The following XKR6 variants were observed in gnomAD, a reference collection of about 807,000 sequenced individuals.
The protein encoded by XKR6 is XK related 6, also known as XK-related protein 6.
A neutral mutation model predicts 56.7 loss-of-function variants in XKR6; 22 were observed. That is an observed-to-expected ratio of 0.39 (90% confidence interval 0.28 to 0.55). The LOEUF (loss-of-function observed/expected upper bound fraction) is 0.55, where lower values mean the gene tolerates loss of function less well. Among genes scored for constraint, XKR6 ranks in the 20% least tolerant of loss-of-function variants. XKR6 has a pLI of 0.66. For synonymous variants in XKR6, 524 were observed against 387.8 expected, an observed-to-expected ratio of 1.35 and a Z score of -4.13; for missense variants, 852 against 889.0, an observed-to-expected ratio of 0.96 and a Z score of 0.53.
At chr8:10,951,499 A>G (rs1477355564) in intron 1 of XKR6, among the ~76,000 whole-genome samples, 1 of 152,220 alleles carries the variant, frequency 6.6e-6, no homozygotes, top group Non-Finnish European at 1.5e-5. Context: ...TTTAGTCCCA[A>G]ACAGCAGCAG....
At chr8:11,003,677 A>T (rs1174704905) in intron 1 of XKR6, among the ~76,000 whole-genome samples, 2 of 152,220 alleles carry the variant, frequency 1.3e-5, no homozygotes, top group Non-Finnish European at 2.9e-5. Context: ...CTCAAAGTCA[A>T]ACTGTAAGAA....
intron 1 of XKR6, among the ~76,000 whole-genome samples, chr8:11,102,081 G>C (rs1798504487): frequency 6.6e-6 from 1 of 152,202 alleles, no homozygotes; most frequent in South Asian, 2.1e-4. Context: ...TGGAAAAGCA[G>C]TCACTGGCTG....
intron 1 of XKR6, chr8:11,138,649 T>A (rs1049567394): frequency 4.6e-5 from 7 of 152,214 alleles, no homozygotes; most frequent in Non-Finnish European, 8.8e-5. Flanking sequence ...AAAGGTTGCA[T>A]CAGTTTTTTT....
chr8:11,176,444 T>A (rs1802659176), intron 1 of XKR6, among the ~76,000 whole-genome samples: 1 of 152,176 alleles, frequency 6.6e-6, no homozygotes. Flanking sequence ...ACACCAATAC[T>A]TGGGAAAAAA....
At chr8:10,949,129 G>A (rs571958874) in intron 1 of XKR6, among the ~76,000 whole-genome samples, 2 of 152,352 alleles carry the variant, frequency 1.3e-5, no homozygotes, top group African/African-American at 4.8e-5. Context: ...CTGGCTGGAG[G>A]AGCCTGGGCC....
intron 2 of XKR6, among the ~76,000 whole-genome samples, chr8:10,907,020 C>G (rs887094652): frequency 6.6e-6 from 1 of 151,752 alleles, no homozygotes; most frequent in Non-Finnish European, 1.5e-5. Flanking sequence ...TGCACTCCAG[C>G]CTGGCAACAG....
In XKR6 at chr8:11,054,295, C is replaced by T. The variant is rs116389861; in HGVS notation, c.765-129465G>A. Among the ~76,000 whole-genome samples the T allele has an allele frequency of 3.6e-3, 544 of 152,284 alleles. 7 individuals carry two copies. Among genetic ancestry groups the T allele is most frequent in the African/African-American group, 0.012 (514 of 41,538 alleles). On this transcript the variant is annotated intron_variant, in intron 1 of 2. Coordinates refer to ENST00000416569, the MANE Select transcript of XKR6 (RefSeq NM_173683.4). ...CAGGACCAGAGGTGAAAAGAGAGAG[C>T]GCACAGTAAGTTTGTCCTAACTACT...
intron 2 of XKR6, 84 bp downstream of exon 2, chr8:10,924,550 C>A: frequency 1.3e-6 from 2 of 1,498,634 alleles, no homozygotes; most frequent in Non-Finnish European, 1.8e-6. Flanking sequence ...CAGAGCGTGC[C>A]AGGCACGAAG....
chr8:10,913,265 G>C (rs1180377289), intron 2 of XKR6, among the ~76,000 whole-genome samples: 1 of 151,942 alleles, frequency 6.6e-6, no homozygotes, highest in Non-Finnish European at 1.5e-5. Flanking sequence ...CCCCAGGACA[G>C]AGATCCATCT....
At chr8:11,152,293 C>T (rs1392190382) in intron 1 of XKR6, among the ~76,000 whole-genome samples, 3 of 152,158 alleles carry the variant, frequency 2.0e-5, no homozygotes, top group South Asian at 2.1e-4. Flanking sequence ...GTTGCCCTTC[C>T]TGAAACATTC....
intron 1 of XKR6, among the ~76,000 whole-genome samples, chr8:10,941,076 A>G (rs1344219185): frequency 6.6e-6 from 1 of 152,128 alleles, no homozygotes; most frequent in Non-Finnish European, 1.5e-5. Flanking sequence ...GAGGAGACTC[A>G]GTGGAGAGGA....
At chr8:11,023,170 G>C (rs1164823719) in intron 1 of XKR6, among the ~76,000 whole-genome samples, 1 of 152,116 alleles carries the variant, frequency 6.6e-6, no homozygotes, top group Non-Finnish European at 1.5e-5. Flanking sequence ...GAAAGCTGGG[G>C]AGGGCCCTCC....
intron 1 of XKR6, among the ~76,000 whole-genome samples, chr8:11,134,458 A>C (rs971390236): frequency 6.6e-6 from 1 of 152,202 alleles, no homozygotes; most frequent in African/African-American, 2.4e-5. Flanking sequence ...CCAAGTGGAA[A>C]CACTGCACAA....
chr8:11,027,510 C>G (rs149710030), intron 1 of XKR6, among the ~76,000 whole-genome samples: 1 of 152,196 alleles, frequency 6.6e-6, no homozygotes, highest in Admixed American at 6.5e-5. Flanking sequence ...TTCTCACCAC[C>G]ATGCTACAAA....
intron 1 of XKR6, among the ~76,000 whole-genome samples, chr8:11,032,707 T>C (rs1011707852): frequency 6.6e-6 from 1 of 152,140 alleles, no homozygotes. Context: ...GCTGGGGCCA[T>C]TGCAGACTGC....
chr8:11,053,585 T>G (rs1322722434), intron 1 of XKR6, among the ~76,000 whole-genome samples: 1 of 152,190 alleles, frequency 6.6e-6, no homozygotes, highest in Admixed American at 6.5e-5. Flanking sequence ...ACTTCCTGAC[T>G]CTGGCTCCCA....
intron 1 of XKR6, among the ~76,000 whole-genome samples, chr8:11,120,840 T>TATAG (rs1202034509): frequency 6.6e-6 from 1 of 152,078 alleles, no homozygotes; most frequent in African/African-American, 2.4e-5. Context: ...AAAACAGAGA[T>TATAG]ATAGACCAAT....
At position 11,043,968 on chromosome 8, in the gene XKR6, T is replaced by C. The variant is rs139768113; in HGVS notation, c.765-119138A>G. 3.8e-4 allele frequency among the ~76,000 whole-genome samples: 58 copies of C among 152,074 alleles called. 1 individual carries two copies. Among genetic ancestry groups the C allele is most frequent in the African/African-American group, 1.3e-3 (55 of 41,484 alleles). ...CAACTAAGCTCTAACTGTCACAGGG[T>C]TCTTCTTTTTCTCCAGCAGCTAAAC... On this transcript the variant is annotated intron_variant, in intron 1 of 2. Transcript: ENST00000416569.
At chr8:11,106,933 A>G (rs533324378) in intron 1 of XKR6, among the ~76,000 whole-genome samples, 2 of 152,064 alleles carry the variant, frequency 1.3e-5, no homozygotes, top group East Asian at 3.9e-4. Context: ...TTCAGCCCAC[A>G]TCTATTCTAC....
Sources: gnomAD v4.1 joint callset for allele counts (sites outside exome capture counted in the v4.1 genomes callset) on GRCh38, gnomAD v4.1.1 for gene constraint, MANE v1.5 for transcripts, NCBI Gene and HGNC (gene_info 2026-07-23, HGNC 2026-07-21) for gene names.